CSMD1: variants seen among roughly 807,000 people sequenced by gnomAD.
CSMD1 encodes CUB and Sushi multiple domains 1, also known as CUB and sushi domain-containing protein 1.
In CSMD1, 213 loss-of-function variants were observed where a neutral mutation model predicts 417.5. The observed-to-expected ratio is 0.51, with a 90% CI of 0.46 to 0.57. The LOEUF is 0.57. Among genes scored for constraint, CSMD1 ranks in the 20% least tolerant of loss-of-function variants. The pLI is 0.00. For missense variants in CSMD1, 6,923 were observed against 4,529.7 expected (o/e 1.53, Z -15.17); for synonymous variants, 2,862 against 1,736.8 (o/e 1.65, Z -16.11).
At position 3,487,764 on chromosome 8, in the gene CSMD1, T is replaced by C. The variant is rs144992543; in HGVS notation, c.1448+5859A>G. On this transcript the variant is annotated intron_variant, in intron 11 of 69. Coordinates refer to ENST00000635120, the MANE Select transcript of CSMD1 (RefSeq NM_033225.6). ...AATGTTTTTAAGAGTTCCTGGAAGCTTACAAATTACACTAAGTGCTAAAAG... is the reference window on the plus strand; with the variant it reads ...AATGTTTTTAAGAGTTCCTGGAAGCCTACAAATTACACTAAGTGCTAAAAG... Among the ~76,000 whole-genome samples, 12 of 152,276 alleles carry C rather than the reference T, an allele frequency of 7.9e-5. No individual in the cohort carries two copies. The East Asian group carries it at 2.3e-3, about 29-fold the overall frequency.
At chr8:3,304,779 T>TAA (rs1165053462) in intron 25 of CSMD1, among the ~76,000 whole-genome samples, 1 of 152,102 alleles carries the variant, frequency 6.6e-6, no homozygotes, top group Non-Finnish European at 1.5e-5. Context: ...GATTCACCTG[T>TAA]AAAGAGTGAA....
chr8:3,100,510 TCTTAGCAGCAATCA>T (rs1170845642), intron 46 of CSMD1, among the ~76,000 whole-genome samples: 1 of 152,202 alleles, frequency 6.6e-6, no homozygotes, highest in Non-Finnish European at 1.5e-5. Context: ...GATGTTTATT[TCTTAGCAGCAATCA>T]CACATTAGAA....
At chr8:3,671,728 C>T (rs755692113) in intron 7 of CSMD1, among the ~76,000 whole-genome samples, 12 of 151,682 alleles carry the variant, frequency 7.9e-5, no homozygotes, top group Non-Finnish European at 1.5e-4. Flanking sequence ...TGCCCAGCAC[C>T]GGCAGGCTGC....
intron 12 of CSMD1, among the ~76,000 whole-genome samples, chr8:3,464,669 A>C (rs558100662): frequency 4.0e-5 from 6 of 151,298 alleles, no homozygotes; most frequent in African/African-American, 1.5e-4. Flanking sequence ...TATAAATTGT[A>C]TATGTAAAAT....
intron 5 of CSMD1, among the ~76,000 whole-genome samples, chr8:3,793,699 T>C (rs1435077020): frequency 6.6e-6 from 1 of 152,182 alleles, no homozygotes; most frequent in East Asian, 1.9e-4. Context: ...TCAGGGTAAG[T>C]TAATATGTTT....
At chr8:4,966,417 T>G (rs2117359279) in intron 1 of CSMD1, among the ~76,000 whole-genome samples, 1 of 152,002 alleles carries the variant, frequency 6.6e-6, no homozygotes, top group East Asian at 1.9e-4. Context: ...TTCCAAACTA[T>G]CTCCCGGTAT....
chr8:4,495,553 T>A (rs2130244547), intron 2 of CSMD1, among the ~76,000 whole-genome samples: 1 of 151,762 alleles, frequency 6.6e-6, no homozygotes, highest in African/African-American at 2.4e-5. Flanking sequence ...CTAGCCTGGG[T>A]GACAGAGCAA....
intron 3 of CSMD1, among the ~76,000 whole-genome samples, chr8:4,238,329 G>A (rs968345595): frequency 2.3e-4 from 35 of 152,154 alleles, no homozygotes; most frequent in African/African-American, 7.7e-4. Context: ...CAGCATGTGC[G>A]CGAGGGTGGT....
intron 50 of CSMD1, among the ~76,000 whole-genome samples, chr8:3,031,733 C>T (rs1375982859): frequency 6.6e-6 from 1 of 151,918 alleles, no homozygotes; most frequent in Non-Finnish European, 1.5e-5. Flanking sequence ...CGGAATCAGA[C>T]AATTTTTTGA....
At chr8:4,468,117 G>A (rs1800300193) in intron 2 of CSMD1, among the ~76,000 whole-genome samples, 1 of 152,218 alleles carries the variant, frequency 6.6e-6, no homozygotes, top group South Asian at 2.1e-4. Context: ...CTAAAATTCA[G>A]ATATAACTTT....
intron 3 of CSMD1, among the ~76,000 whole-genome samples, chr8:4,210,411 G>A (rs1343179584): frequency 6.6e-6 from 1 of 152,138 alleles, no homozygotes; most frequent in African/African-American, 2.4e-5. Flanking sequence ...GTGGAAACTG[G>A]TGGGTTATAT....
At chr8:3,750,528 T>C (rs534481408) in intron 6 of CSMD1, among the ~76,000 whole-genome samples, 1 of 152,296 alleles carries the variant, frequency 6.6e-6, no homozygotes, top group East Asian at 1.9e-4. Context: ...CAATTTTTGT[T>C]GGCACAAATA....
chr8:4,082,869 G>T (rs752965105), intron 3 of CSMD1, among the ~76,000 whole-genome samples: 2 of 149,232 alleles, frequency 1.3e-5, no homozygotes, highest in African/African-American at 2.5e-5. Flanking sequence ...GCGGTGTTTG[G>T]TTTTTTGTCC....
intron 5 of CSMD1, among the ~76,000 whole-genome samples, chr8:3,778,868 G>A (rs909738575): frequency 2.6e-5 from 4 of 152,138 alleles, no homozygotes; most frequent in South Asian, 4.1e-4. Context: ...AAAACATGCT[G>A]CTTGCAGGCA....
chr8:4,012,790 T>G (rs1000592713), intron 4 of CSMD1, among the ~76,000 whole-genome samples: 1 of 152,172 alleles, frequency 6.6e-6, no homozygotes, highest in Non-Finnish European at 1.5e-5. Context: ...TCTCACAGTC[T>G]TCTCCATCTC....
At chr8:3,224,830 T>C (rs1331882763) in intron 27 of CSMD1, among the ~76,000 whole-genome samples, 1 of 152,192 alleles carries the variant, frequency 6.6e-6, no homozygotes, top group Non-Finnish European at 1.5e-5. Context: ...CTCCTAAACC[T>C]CTCATCTCAC....
At chr8:3,825,828 T>C (rs757377102) in intron 5 of CSMD1, among the ~76,000 whole-genome samples, 5 of 152,158 alleles carry the variant, frequency 3.3e-5, no homozygotes, top group Admixed American at 6.5e-5. Context: ...TTAAATCCCA[T>C]TTAAATATGA....
chr8:3,047,008 G>C (rs76036107), intron 50 of CSMD1, among the ~76,000 whole-genome samples: 1 of 150,490 alleles, frequency 6.6e-6, no homozygotes, highest in African/African-American at 2.5e-5. Context: ...AGGAGTTTGA[G>C]ACCAGCCTGG....
chr8:3,787,123 G>A (rs749483990), intron 5 of CSMD1, among the ~76,000 whole-genome samples: 1 of 152,094 alleles, frequency 6.6e-6, no homozygotes, highest in Non-Finnish European at 1.5e-5. Context: ...AACTCAAGAG[G>A]AAGGGTAGTC....
Sources: allele counts gnomAD v4.1 joint callset (sites outside exome capture counted in the v4.1 genomes callset), GRCh38; gene constraint gnomAD v4.1.1; transcripts MANE v1.5; gene names NCBI Gene and HGNC (gene_info 2026-07-23, HGNC 2026-07-21).